Variants in GNG2 observed in about 807,000 individuals in gnomAD.
The protein encoded by GNG2 is G protein subunit gamma 2.
A neutral mutation model predicts 5.5 loss-of-function variants in GNG2; 5 were observed. The observed-to-expected ratio is 0.91, with a 90% CI of 0.48 to 1.92. The LOEUF is 1.92. GNG2 is among the 30% of genes most tolerant of loss of function. The pLI is 0.01. For synonymous variants in GNG2, 28 were observed against 32.0 expected, an observed-to-expected ratio of 0.88 and a Z score of 0.42; for missense variants, 55 against 88.4, an observed-to-expected ratio of 0.62 and a Z score of 1.52.
At chr14:51,922,983 C>T (rs1196463768) in intron 2 of GNG2, among the ~76,000 whole-genome samples, 3 of 152,220 alleles carry the variant, frequency 2.0e-5, no homozygotes, top group Non-Finnish European at 4.4e-5. Flanking sequence ...TGTCTTTAAA[C>T]GTGCCAACAT....
chr14:51,947,429 A>G (rs989405062), intron 2 of GNG2, among the ~76,000 whole-genome samples: 4 of 152,194 alleles, frequency 2.6e-5, no homozygotes, highest in African/African-American at 9.7e-5. Flanking sequence ...AGTCAGAGGA[A>G]GATGTGACTT....
chr14:51,852,923 C>T (rs2153307), intron 2 of GNG2, among the ~76,000 whole-genome samples: 128,354 of 151,806 alleles, frequency 0.85, 55,428 homozygotes, highest in Non-Finnish European at 0.94. Flanking sequence ...AAGTCAAGAA[C>T]AGATTTTTTT....
chr14:51,925,716 ACT>A (rs1887270780), intron 2 of GNG2, among the ~76,000 whole-genome samples: 1 of 151,256 alleles, frequency 6.6e-6, no homozygotes, highest in African/African-American at 2.4e-5. Flanking sequence ...GGTTCAAGTG[ACT>A]CTCTTGCCTC....
intron 1 of GNG2, among the ~76,000 whole-genome samples, chr14:51,868,126 A>G (rs1162981821): frequency 6.6e-6 from 1 of 152,242 alleles, no homozygotes; most frequent in Admixed American, 6.5e-5. Context: ...TATAATTACA[A>G]TAGAATTAAT....
At chr14:51,850,935 G>GCCCCA (rs1881879275) in intron 2 of GNG2, among the ~76,000 whole-genome samples, 1 of 152,128 alleles carries the variant, frequency 6.6e-6, no homozygotes, top group Non-Finnish European at 1.5e-5. Context: ...CTCCCACCAG[G>GCCCCA]CCCCACCTCC....
intron 2 of GNG2, among the ~76,000 whole-genome samples, chr14:51,911,032 A>G (rs947411316): frequency 1.3e-5 from 2 of 152,222 alleles, no homozygotes; most frequent in Non-Finnish European, 2.9e-5. Flanking sequence ...ATTATTTAAC[A>G]AAGAGGTGTA....
intron 3 of GNG2, among the ~76,000 whole-genome samples, chr14:51,954,818 T>A (rs1290822790): frequency 6.6e-6 from 1 of 152,084 alleles, no homozygotes; most frequent in Non-Finnish European, 1.5e-5. Flanking sequence ...TCCAGCTCCA[T>A]GAAAAAAGAG....
intron 2 of GNG2, among the ~76,000 whole-genome samples, chr14:51,896,949 G>T (rs1885231786): frequency 6.6e-6 from 1 of 152,114 alleles, no homozygotes; most frequent in African/African-American, 2.4e-5. Flanking sequence ...ATGAATATAT[G>T]AATTATATAA....
At chr14:51,827,766 C>T in exon 2 of GNG2, 1 of 700,338 alleles carries the variant, frequency 1.4e-6, no homozygotes, top group Non-Finnish European at 2.6e-6. Flanking sequence ...TTGCAACCTC[C>T]AATGGAAAGA....
chr14:51,945,215 G>A (rs1566705364), intron 2 of GNG2, among the ~76,000 whole-genome samples: 1 of 151,938 alleles, frequency 6.6e-6, no homozygotes, highest in Non-Finnish European at 1.5e-5. Flanking sequence ...TTGGAAGCAG[G>A]GTCTTTAAAA....
intron 2 of GNG2, among the ~76,000 whole-genome samples, chr14:51,949,090 C>T (rs1888814671): frequency 6.8e-6 from 1 of 146,116 alleles, no homozygotes; most frequent in Admixed American, 6.9e-5. Flanking sequence ...CACTGCACTC[C>T]AGCTTGGGCG....
chr14:51,962,979 C>T (rs1889701075), intron 3 of GNG2, among the ~76,000 whole-genome samples: 1 of 152,162 alleles, frequency 6.6e-6, no homozygotes. Context: ...CTTAATGAAG[C>T]CTCCACTTCA....
intron 2 of GNG2, among the ~76,000 whole-genome samples, chr14:51,835,153 C>G (rs1172208813): frequency 1.3e-5 from 2 of 152,094 alleles, no homozygotes; most frequent in African/African-American, 4.8e-5. Flanking sequence ...ATGAATGGCC[C>G]CCAGCTCAGT....
At chr14:51,960,223 C>A (rs76886377) in intron 3 of GNG2, among the ~76,000 whole-genome samples, 3,071 of 150,558 alleles carry the variant, frequency 0.02, 108 homozygotes, top group African/African-American at 0.072. Flanking sequence ...TGGATAGTTT[C>A]TATTGCTATC....
chr14:51,956,640 A>C (rs1467892907), intron 3 of GNG2, among the ~76,000 whole-genome samples: 2 of 152,160 alleles, frequency 1.3e-5, no homozygotes, highest in African/African-American at 4.8e-5. Context: ...AATTAAAGTT[A>C]AGTCAACCTT....
At chr14:51,883,650 C>A (rs964871864) in intron 2 of GNG2, among the ~76,000 whole-genome samples, 1 of 152,098 alleles carries the variant, frequency 6.6e-6, no homozygotes, top group African/African-American at 2.4e-5. Context: ...GCATTTCTTA[C>A]AATATGATTC....
At chr14:51,832,754 G>A (rs1189177674) in intron 2 of GNG2, among the ~76,000 whole-genome samples, 5 of 152,174 alleles carry the variant, frequency 3.3e-5, no homozygotes, top group African/African-American at 9.7e-5. Flanking sequence ...CATTATAAGG[G>A]CCTCACCCTC....
chr14:51,965,177 A>C (rs543529238), intron 3 of GNG2, among the ~76,000 whole-genome samples: 1 of 152,210 alleles, frequency 6.6e-6, no homozygotes, highest in African/African-American at 2.4e-5. Context: ...TCATGTGGGC[A>C]TGTATGTCCC....
intron 2 of GNG2, among the ~76,000 whole-genome samples, chr14:51,835,335 A>G (rs1217745279): frequency 6.6e-6 from 1 of 152,212 alleles, no homozygotes; most frequent in East Asian, 1.9e-4. Flanking sequence ...TTCTAACTTC[A>G]TTTGTTTCAT....
Sources: allele counts gnomAD v4.1 joint callset (sites outside exome capture counted in the v4.1 genomes callset), GRCh38; gene constraint gnomAD v4.1.1; transcripts MANE v1.5; gene names NCBI Gene and HGNC (gene_info 2026-07-23, HGNC 2026-07-21).